The following BEND4 variants were observed in gnomAD, a reference collection of about 807,000 sequenced individuals.
The protein encoded by BEND4 is BEN domain-containing protein 4.
Under a neutral mutation model 54.7 loss-of-function variants are expected in BEND4, and 27 were observed. That is an observed-to-expected ratio of 0.49 (90% confidence interval 0.36 to 0.68). The LOEUF (loss-of-function observed/expected upper bound fraction) is 0.68. BEND4 is among the 30% of genes least tolerant of loss of function. The pLI, the probability that BEND4 is intolerant of heterozygous loss-of-function variation, is 0.00. For missense variants in BEND4, 702 were observed against 697.2 expected, an observed-to-expected ratio of 1.01 and a Z score of -0.08; for synonymous variants, 327 against 299.5, an observed-to-expected ratio of 1.09 and a Z score of -0.95.
At chr4:42,127,151 A>G (rs757879385) in intron 3 of BEND4, among the ~76,000 whole-genome samples, 2 of 152,220 alleles carry the variant, frequency 1.3e-5, no homozygotes, top group African/African-American at 2.4e-5. Flanking sequence ...TTTAGGTGAC[A>G]TCACAATGTA....
chr4:42,132,440 A>ATTATTTATTTAT (rs10677500), intron 3 of BEND4, among the ~76,000 whole-genome samples: 8 of 150,696 alleles, frequency 5.3e-5, no homozygotes, highest in African/African-American at 2.0e-4. Flanking sequence ...TTTTTATTTT[A>ATTATTTATTTAT]TTATTTATTT....
rs777896000 is a variant in BEND4, at chr4:42,143,706, G to C, written c.776C>G (p.Ser259Trp). The change falls in exon 3 of 6, where the codon TCG (serine) becomes TGG (tryptophan). Residue 259 changes from serine (S) to tryptophan (W), a missense_variant. Transcript: ENST00000502486. Reference sequence around the variant, plus strand: ...GGGGTTTGGAGTTGGAAAGCTTCCCGAGAGCAGGTAATTTTGTAGAGAGTC... The same window carrying C: ...GGGGTTTGGAGTTGGAAAGCTTCCCCAGAGCAGGTAATTTTGTAGAGAGTC... The part of the protein sequence containing the change: ...FTDSLQNYLL[S>W]GSFPTPNPSS... 34 of 1,613,914 alleles carry C rather than the reference G, an allele frequency of 2.1e-5. No homozygotes were observed. Among genetic ancestry groups the C allele is most frequent in the Admixed American group, 1.3e-4 (8 of 60,008 alleles).
intron 3 of BEND4, among the ~76,000 whole-genome samples, chr4:42,141,663 C>G (rs1720885700): frequency 6.6e-6 from 1 of 152,170 alleles, no homozygotes; most frequent in Non-Finnish European, 1.5e-5. Context: ...ATCGCTTGAA[C>G]TCAGGCAGCA....
At position 42,114,804 on chromosome 4, in the gene BEND4, G is replaced by A. The variant is rs60267384; in HGVS notation, c.*2714C>T. 7,628 of 152,322 alleles carry A rather than the reference G, an allele frequency of 0.05. 229 individuals are homozygous for A. Among genetic ancestry groups the A allele is most frequent in the Non-Finnish European group, 0.059 (4,022 of 68,072 alleles). The allele number at this position is 152,322 out of a possible 1,614,324, so 9.4% of individuals were successfully genotyped here. A position where few individuals can be genotyped will look rare whatever the true frequency, so the allele number is the denominator to read the frequency against. ...AGAGGAGACCATGCAGACGACCACC[G>A]TGAACTTACGTACATACCAGCCTTA... On this transcript the variant is annotated 3_prime_UTR_variant, in exon 6 of 6. Coordinates refer to ENST00000502486, the MANE Select transcript of BEND4 (RefSeq NM_207406.4).
chr4:42,149,195 C>A (rs1188199410), intron 2 of BEND4, among the ~76,000 whole-genome samples: 2 of 148,030 alleles, frequency 1.4e-5, no homozygotes, highest in Middle Eastern at 3.4e-3. Flanking sequence ...GCTCCCACCC[C>A]CCCCACCCCA....
At chr4:42,136,513 G>A (rs1040181730) in intron 3 of BEND4, among the ~76,000 whole-genome samples, 7 of 152,342 alleles carry the variant, frequency 4.6e-5, no homozygotes, top group African/African-American at 1.7e-4. Context: ...AACTTGTGGT[G>A]CTTTTGCAGT....
At chr4:42,123,692 C>CAAAAA (rs1720146743) in intron 4 of BEND4, among the ~76,000 whole-genome samples, 1 of 29,158 alleles carries the variant, frequency 3.4e-5, no homozygotes, top group African/African-American at 3.9e-4. Flanking sequence ...ATCTGTAATT[C>CAAAAA]AGAAAAAAAA....
intron 3 of BEND4, among the ~76,000 whole-genome samples, chr4:42,134,428 T>C (rs1720621605): frequency 6.6e-6 from 1 of 152,228 alleles, no homozygotes; most frequent in African/African-American, 2.4e-5. Context: ...AAATAAACAA[T>C]GAGCTTTAAG....
At chr4:42,140,831 G>GCA (rs1248244463) in intron 3 of BEND4, among the ~76,000 whole-genome samples, 3 of 152,228 alleles carry the variant, frequency 2.0e-5, no homozygotes, top group Non-Finnish European at 2.9e-5. Flanking sequence ...GTGCCACTAA[G>GCA]CACTTCAGAA....
intron 3 of BEND4, among the ~76,000 whole-genome samples, chr4:42,136,544 G>C (rs1374125113): frequency 6.6e-6 from 1 of 152,228 alleles, no homozygotes; most frequent in Non-Finnish European, 1.5e-5. Context: ...CATATGCAGA[G>C]CACTGAAATC....
chr4:42,137,520 G>A (rs1011892557), intron 3 of BEND4, among the ~76,000 whole-genome samples: 2 of 152,096 alleles, frequency 1.3e-5, no homozygotes, highest in African/African-American at 4.8e-5. Context: ...ATAACTCAAT[G>A]TAACAAATTT....
At chr4:42,146,136 C>G (rs2153147624) in intron 2 of BEND4, among the ~76,000 whole-genome samples, 1 of 152,308 alleles carries the variant, frequency 6.6e-6, no homozygotes, top group East Asian at 1.9e-4. Flanking sequence ...TGGCCAAGTA[C>G]CCCAAGATCC....
Position 42,144,172 on chromosome 4 carries a change from T to G in BEND4, c.488-178A>C. On this transcript the variant is annotated intron_variant, in intron 2 of 5. Transcript: ENST00000502486. ...TAGAACGCATAGCTTCCTGTTGTTC[T>G]GCGACTGCGGGATGCTTGCTGAGTC... 1.1e-5 allele frequency: 7 copies of G among 643,442 alleles called. No homozygotes were observed. The South Asian group carries it at 1.1e-4, about 10-fold the overall frequency. 39.9% of individuals were successfully genotyped at this position (643,442 alleles called of 1,614,324 possible). A position where few individuals can be genotyped will look rare whatever the true frequency, so the allele number is the denominator to read the frequency against.
At chr4:42,132,034 T>G (rs1720524413) in intron 3 of BEND4, among the ~76,000 whole-genome samples, 1 of 151,966 alleles carries the variant, frequency 6.6e-6, no homozygotes, top group East Asian at 1.9e-4. Flanking sequence ...AAAAAGTCAA[T>G]CTGGAAAACG....
chr4:42,117,934 TAA>T (rs5857832), intron 5 of BEND4, among the ~76,000 whole-genome samples, 199 bp from the exon 6 acceptor site: 13 of 148,766 alleles, frequency 8.7e-5, no homozygotes, highest in African/African-American at 2.2e-4. Context: ...TGTGCAAAAG[TAA>T]AAAAAAAAAA....
At chr4:42,123,694 GAAAAAAAAAAAAA>G (rs71664396) in intron 4 of BEND4, among the ~76,000 whole-genome samples, 2 of 50,808 alleles carry the variant, frequency 3.9e-5, no homozygotes, top group African/African-American at 7.5e-5. Context: ...CTGTAATTCA[GAAAAAAAAAAAAA>G]AAAAAAAAAA....
At chr4:42,121,109 C>G (rs545851209) in intron 4 of BEND4, among the ~76,000 whole-genome samples, 14 of 152,158 alleles carry the variant, frequency 9.2e-5, no homozygotes, top group Non-Finnish European at 1.5e-4. Context: ...AACCCATGAT[C>G]TTAGTTTTAA....
In BEND4 at chr4:42,114,188, C is replaced by G. The variant is rs959055157; in HGVS notation, c.*3330G>C. Reference sequence around the variant, plus strand: ...TAACTGCTTGCAAAATACTGGTCCCCTCCACAGGCTCCTGACCTACACTAT... The same window carrying G: ...TAACTGCTTGCAAAATACTGGTCCCGTCCACAGGCTCCTGACCTACACTAT... On this transcript the variant is annotated 3_prime_UTR_variant, in exon 6 of 6. Coordinates refer to ENST00000502486, the MANE Select transcript of BEND4 (RefSeq NM_207406.4). 5.3e-5 allele frequency: 8 copies of G among 152,084 alleles called. No individual in the cohort carries two copies. The highest frequency in any genetic ancestry group is 1.9e-4 in the African/African-American group (8 of 41,382). 9.4% of individuals were successfully genotyped at this position (152,084 alleles called of 1,614,324 possible). A position where few individuals can be genotyped will look rare whatever the true frequency, so the allele number is the denominator to read the frequency against.
Position 42,152,329 on chromosome 4 carries a change from G to C in BEND4, c.-186C>G, listed in dbSNP as rs965874837. On this transcript the variant is annotated 5_prime_UTR_variant, in exon 2 of 6. Coordinates refer to ENST00000502486, the MANE Select transcript of BEND4 (RefSeq NM_207406.4). The stretch of plus-strand genomic sequence containing the variant: ...GGCTGGCATCGCCGAGCCCCCGCGC[G>C]GGGGGCTGCCGCCCGAGCTCCTGAT... The C allele has an allele frequency of 4.9e-6, 2 of 408,164 alleles. No individual in the cohort carries two copies. The highest frequency in any genetic ancestry group is 2.1e-5 in the African/African-American group (1 of 48,030). The allele number at this position is 408,164 out of a possible 1,614,324, so 25.3% of individuals were successfully genotyped here. A position where few individuals can be genotyped will look rare whatever the true frequency, so the allele number is the denominator to read the frequency against.
Sources: gnomAD v4.1 joint callset for allele counts (sites outside exome capture counted in the v4.1 genomes callset) on GRCh38, gnomAD v4.1.1 for gene constraint, MANE v1.5 for transcripts, NCBI Gene and HGNC (gene_info 2026-07-23, HGNC 2026-07-21) for gene names.